Variants in RGS7 observed in about 807,000 individuals in gnomAD.
The protein encoded by RGS7 is regulator of G protein signaling 7.
Under a neutral mutation model 81.1 loss-of-function variants are expected in RGS7, and 27 were observed. That is an observed-to-expected ratio of 0.33 (90% CI 0.25 to 0.46). The LOEUF (loss-of-function observed/expected upper bound fraction) is 0.46. RGS7 is among the 20% of genes least tolerant of loss of function. The pLI, the probability that RGS7 is intolerant of heterozygous loss-of-function variation, is 1.00. For missense variants in RGS7, 396 were observed against 607.4 expected (o/e 0.65, Z 3.66); for synonymous variants, 208 against 207.7 (o/e 1.00, Z -0.01).
chr1:240,901,998 T>G (rs1670091925), intron 6 of RGS7, among the ~76,000 whole-genome samples: 1 of 152,352 alleles, frequency 6.6e-6, no homozygotes, highest in South Asian at 2.1e-4. Flanking sequence ...ACCCTTTATG[T>G]TAAGGGTCAA....
chr1:240,940,715 G>T (rs1188485076), intron 4 of RGS7, among the ~76,000 whole-genome samples: 2 of 151,810 alleles, frequency 1.3e-5, no homozygotes, highest in Non-Finnish European at 2.9e-5. Flanking sequence ...CCAAGCCAAG[G>T]AACAACAAAA....
At chr1:241,254,301 T>C (rs578205114) in intron 2 of RGS7, among the ~76,000 whole-genome samples, 1 of 152,182 alleles carries the variant, frequency 6.6e-6, no homozygotes, top group Non-Finnish European at 1.5e-5. Flanking sequence ...AAGGTCATGT[T>C]TGTGAACAAT....
At chr1:241,237,145 C>T (rs1241674392) in intron 2 of RGS7, among the ~76,000 whole-genome samples, 1 of 152,164 alleles carries the variant, frequency 6.6e-6, no homozygotes, top group Admixed American at 6.5e-5. Flanking sequence ...ATAAGGACAA[C>T]AAACAATAGA....
chr1:241,008,617 C>T (rs565491299), intron 3 of RGS7, among the ~76,000 whole-genome samples: 1 of 151,812 alleles, frequency 6.6e-6, no homozygotes, highest in Admixed American at 6.6e-5. Flanking sequence ...TTTTTTTCAG[C>T]CTTAATGGAA....
At chr1:241,160,531 T>C (rs1211064500) in intron 2 of RGS7, among the ~76,000 whole-genome samples, 1 of 151,606 alleles carries the variant, frequency 6.6e-6, no homozygotes, top group Non-Finnish European at 1.5e-5. Flanking sequence ...CCCTGAACGG[T>C]GTGTGGAATA....
At position 240,811,980 on chromosome 1, in the gene RGS7, G is replaced by A; in HGVS notation, c.1020C>T (p.Asp340=). Residue 340 remains aspartate, a synonymous_variant, in exon 14 of 19, where the codon GAC becomes GAT. Coordinates refer to ENST00000440928, the MANE Select transcript of RGS7 (RefSeq NM_001364886.1). ...TAAGGAACTGTTCTCTCCCAACTGGGTCTTTCAATGCCTCGTCCATGCCAA... is the reference window on the plus strand; with the variant it reads ...TAAGGAACTGTTCTCTCCCAACTGGATCTTTCAATGCCTCGTCCATGCCAA... ...WGFGMDEALK[D]PVGREQFLKF... 3 of 1,613,792 alleles carry A rather than the reference G, an allele frequency of 1.9e-6. No individual in the cohort carries two copies. Among genetic ancestry groups the A allele is most frequent in the Non-Finnish European group, 2.5e-6 (3 of 1,179,732 alleles).
chr1:240,823,812 C>A (rs1692274853), intron 10 of RGS7, among the ~76,000 whole-genome samples: 1 of 148,332 alleles, frequency 6.7e-6, no homozygotes, highest in Admixed American at 6.7e-5. Context: ...TGTCTCTCTC[C>A]CCCCTCCCGC....
At chr1:240,998,224 C>A (rs1051308656) in intron 3 of RGS7, among the ~76,000 whole-genome samples, 18 of 152,124 alleles carry the variant, frequency 1.2e-4, no homozygotes, top group African/African-American at 1.9e-4. Context: ...TCCCTGACTG[C>A]TTTCAAGATG....
intron 5 of RGS7, among the ~76,000 whole-genome samples, chr1:240,932,275 G>A (rs1388127738): frequency 3.3e-5 from 5 of 152,028 alleles, no homozygotes; most frequent in African/African-American, 1.2e-4. Flanking sequence ...CAGTAGTTTT[G>A]TGAACATGAG....
At chr1:241,233,396 G>A (rs2686229) in intron 2 of RGS7, among the ~76,000 whole-genome samples, 1 of 151,994 alleles carries the variant, frequency 6.6e-6, no homozygotes, top group Non-Finnish European at 1.5e-5. Context: ...ACTGCCATTC[G>A]CAGCCTCTGG....
intron 3 of RGS7, among the ~76,000 whole-genome samples, chr1:241,003,801 T>C (rs1015804082): frequency 6.6e-6 from 1 of 152,060 alleles, no homozygotes; most frequent in Non-Finnish European, 1.5e-5. Context: ...CAGGCTGGAG[T>C]GCAGTAGCAC....
chr1:240,913,310 C>A (rs1252991714), intron 6 of RGS7, among the ~76,000 whole-genome samples: 1 of 152,134 alleles, frequency 6.6e-6, no homozygotes, highest in Non-Finnish European at 1.5e-5. Context: ...TGCATACCTA[C>A]ATGTAAAAAT....
chr1:240,774,896 A>G (rs1682760464), downstream of RGS7, among the ~76,000 whole-genome samples: 2 of 152,204 alleles, frequency 1.3e-5, no homozygotes, highest in African/African-American at 2.4e-5. Flanking sequence ...ATAACAACTA[A>G]TAGCATTTAC....
At chr1:241,311,903 C>T (rs2080556909) in intron 2 of RGS7, among the ~76,000 whole-genome samples, 1 of 152,218 alleles carries the variant, frequency 6.6e-6, no homozygotes, top group African/African-American at 2.4e-5. Context: ...GGAGTATATA[C>T]ACGGAAGAAA....
intron 3 of RGS7, among the ~76,000 whole-genome samples, chr1:241,061,071 G>A (rs1008705448): frequency 5.3e-5 from 8 of 152,178 alleles, no homozygotes; most frequent in Non-Finnish European, 1.0e-4. Flanking sequence ...ATCAGATGCT[G>A]CCTAAGACTC....
intron 11 of RGS7, 26 bp downstream of exon 11, chr1:240,816,277 TCTGTAAACCTTTAA>T (rs1690782496): frequency 1.5e-6 from 2 of 1,292,148 alleles, no homozygotes; most frequent in African/African-American, 2.9e-5. Context: ...TAGCTGTTAC[TCTGTAAACCTTTAA>T]CAGGTCATCT....
intron 3 of RGS7, among the ~76,000 whole-genome samples, chr1:241,060,473 C>T (rs777425163): frequency 3.9e-5 from 6 of 151,902 alleles, no homozygotes; most frequent in Non-Finnish European, 5.9e-5. Flanking sequence ...TTTTTTCTCC[C>T]CCCAACTTCC....
intron 3 of RGS7, among the ~76,000 whole-genome samples, chr1:241,040,628 A>G (rs777449242): frequency 6.6e-6 from 1 of 151,948 alleles, no homozygotes; most frequent in Non-Finnish European, 1.5e-5. Flanking sequence ...CAGCCTCCCA[A>G]GTAGCTGGGA....
At position 240,801,518 on chromosome 1, in the gene RGS7, G is replaced by A. The variant is rs1292406331; in HGVS notation, c.1360-10C>T. ...CCATTGAGTTTCCAGACTTACGTAT[G>A]TGGGGTAGGATAGGATGAAGGGAAA... On this transcript the variant is annotated splice_polypyrimidine_tract_variant and intron_variant, in intron 16 of 18. Coordinates refer to ENST00000440928, the MANE Select transcript of RGS7 (RefSeq NM_001364886.1). 1.3e-6 allele frequency: 2 copies of A among 1,592,166 alleles called. No individual in the cohort carries two copies. The highest frequency in any genetic ancestry group is 1.7e-5 in the Admixed American group (1 of 59,840).
Sources: allele counts gnomAD v4.1 joint callset (sites outside exome capture counted in the v4.1 genomes callset), GRCh38; gene constraint gnomAD v4.1.1; transcripts MANE v1.5; gene names NCBI Gene and HGNC (gene_info 2026-07-23, HGNC 2026-07-21).